The following ENAH variants were observed in gnomAD, a reference collection of about 807,000 sequenced individuals.
ENAH encodes the protein protein enabled homolog.
In ENAH, 23 loss-of-function variants were observed where a neutral mutation model predicts 78.7. That is an observed-to-expected ratio of 0.29 (90% CI 0.21 to 0.41). The LOEUF is 0.41. Among genes scored for constraint, ENAH ranks in the 10% least tolerant of loss-of-function variants. The pLI is 1.00. For synonymous variants in ENAH, 226 were observed against 241.0 expected (o/e 0.94, Z 0.58); for missense variants, 544 against 691.0 (o/e 0.79, Z 2.39).
intron 6 of ENAH, 30 bp from the exon 7 acceptor site, chr1:225,514,930 TC>T: frequency 6.4e-7 from 1 of 1,559,628 alleles, no homozygotes; most frequent in South Asian, 1.1e-5. Context: ...AGTAAGACCA[TC>T]AACAATAGAG....
At chr1:225,618,473 T>C (rs1558917935) in intron 1 of ENAH, among the ~76,000 whole-genome samples, 1 of 152,124 alleles carries the variant, frequency 6.6e-6, no homozygotes, top group African/African-American at 2.4e-5. Context: ...CTCTCCAAGA[T>C]AGTACAGCAC....
At chr1:225,633,743 C>A (rs1360515145) in intron 1 of ENAH, among the ~76,000 whole-genome samples, 1 of 152,116 alleles carries the variant, frequency 6.6e-6, no homozygotes, top group Non-Finnish European at 1.5e-5. Context: ...CAAATAATAT[C>A]TATTAATATT....
intron 10 of ENAH, 26 bp from the exon 11 acceptor site, chr1:225,508,043 T>C (rs2096347895): frequency 7.0e-7 from 1 of 1,425,402 alleles, no homozygotes; most frequent in East Asian, 2.4e-5. Flanking sequence ...ACAAAAGCTA[T>C]TAAATAAATA....
At chr1:225,529,511 C>T (rs2096527302) in intron 4 of ENAH, among the ~76,000 whole-genome samples, 3 of 152,050 alleles carry the variant, frequency 2.0e-5, no homozygotes, top group African/African-American at 7.2e-5. Context: ...ACATATAATC[C>T]TCCTTACTCT....
Position 225,492,448 on chromosome 1 carries a change from A to G in ENAH, c.*5327T>C, listed in dbSNP as rs551292136. ...CAAATGGTATATTCTTTTTACTCTC[A>G]GCCACCAACTGGGGCCCCTAATTTT... On this transcript the variant is annotated 3_prime_UTR_variant, in exon 14 of 14. Transcript: ENST00000366843. 8 of 152,370 alleles carry G rather than the reference A, an allele frequency of 5.3e-5. No homozygotes were observed. The highest frequency in any genetic ancestry group is 1.9e-4 in the African/African-American group (8 of 41,582). The allele number at this position is 152,370 out of a possible 1,614,324, so 9.4% of individuals were successfully genotyped here. A position where few individuals can be genotyped will look rare whatever the true frequency, so the allele number is the denominator to read the frequency against.
chr1:225,588,054 A>G (rs950219236), intron 1 of ENAH, among the ~76,000 whole-genome samples: 2 of 152,252 alleles, frequency 1.3e-5, no homozygotes, highest in African/African-American at 4.8e-5. Flanking sequence ...AAATCATCAC[A>G]GGAAGGCAAA....
intron 1 of ENAH, among the ~76,000 whole-genome samples, chr1:225,645,872 T>C (rs1661862409): frequency 6.6e-6 from 1 of 152,200 alleles, no homozygotes; most frequent in Admixed American, 6.5e-5. Context: ...TCAAAGCCTG[T>C]CCTCTTTACC....
chr1:225,609,799 G>A (rs2096978186), intron 1 of ENAH, among the ~76,000 whole-genome samples: 1 of 151,276 alleles, frequency 6.6e-6, no homozygotes, highest in African/African-American at 2.4e-5. Context: ...GAGTATCTGG[G>A]AGCACAGGCA....
chr1:225,544,776 T>A (rs376262867), intron 3 of ENAH, among the ~76,000 whole-genome samples: 2 of 152,304 alleles, frequency 1.3e-5, no homozygotes, highest in African/African-American at 4.8e-5. Flanking sequence ...TATTGTAATT[T>A]AGTATGAACA....
chr1:225,549,140 G>A (rs111701809), intron 3 of ENAH, among the ~76,000 whole-genome samples: 2,474 of 152,154 alleles, frequency 0.016, 24 homozygotes, highest in Non-Finnish European at 0.025. Context: ...GTATGCCACC[G>A]CACCTGGCCA....
intron 4 of ENAH, chr1:225,524,608 C>T (rs535520187): frequency 6.1e-6 from 6 of 985,260 alleles, no homozygotes; most frequent in African/African-American, 1.7e-5. Context: ...CAAGAGAAGG[C>T]GGTCAACTTT....
chr1:225,596,945 G>C (rs1310241751), intron 1 of ENAH, among the ~76,000 whole-genome samples: 1 of 152,108 alleles, frequency 6.6e-6, no homozygotes, highest in Non-Finnish European at 1.5e-5. Flanking sequence ...CAACTAAATT[G>C]AACAAGTGGT....
At chr1:225,503,058 T>TA (rs1178569959) in intron 11 of ENAH, among the ~76,000 whole-genome samples, 1 of 152,180 alleles carries the variant, frequency 6.6e-6, no homozygotes, top group Non-Finnish European at 1.5e-5. Context: ...TGTTATGTAA[T>TA]AAACAATTGT....
rs1332148679 is a variant in ENAH, at chr1:225,490,396, A to C, written c.*7379T>G. 3 of 152,154 alleles carry C rather than the reference A, an allele frequency of 2.0e-5. No individual in the cohort carries two copies. Among genetic ancestry groups the C allele is most frequent in the Non-Finnish European group, 4.4e-5 (3 of 68,032 alleles). The allele number at this position is 152,154 out of a possible 1,614,324, so 9.4% of individuals were successfully genotyped here. A position where few individuals can be genotyped will look rare whatever the true frequency, so the allele number is the denominator to read the frequency against. The stretch of plus-strand genomic sequence containing the variant: ...AAGACCAGCCTGGGCAACATGGTGA[A>C]ACCCCATCTCTACTAAAAATACAAA... On this transcript the variant is annotated 3_prime_UTR_variant, in exon 14 of 14. Coordinates refer to ENST00000366843, the MANE Select transcript of ENAH (RefSeq NM_018212.6).
intron 6 of ENAH, among the ~76,000 whole-genome samples, chr1:225,516,250 C>A (rs1463172035): frequency 6.6e-6 from 1 of 152,148 alleles, no homozygotes; most frequent in Admixed American, 6.5e-5. Context: ...CAAGCCACTA[C>A]TTATTGTAAT....
intron 1 of ENAH, among the ~76,000 whole-genome samples, chr1:225,588,098 A>T (rs778262189): frequency 1.3e-5 from 2 of 152,192 alleles, no homozygotes; most frequent in Non-Finnish European, 2.9e-5. Flanking sequence ...AAAAAAGGCA[A>T]ATTAAAATTT....
In ENAH at chr1:225,574,900, C is replaced by CAAAAAAAA. The variant is rs1160881680; in HGVS notation, c.6-7494_6-7487dup. Among the ~76,000 whole-genome samples the CAAAAAAAA allele has an allele frequency of 3.2e-3, 5 of 1,552 alleles. 1 individual carries two copies. Among genetic ancestry groups the CAAAAAAAA allele is most frequent in the Admixed American group, 0.011 (1 of 92 alleles). 1.0% of individuals were successfully genotyped at this position (1,552 alleles called of 152,430 possible). ...TGGGCGACAGAGCGAGACTCCGTCT[C>CAAAAAAAA]AAAAAAAAAAAAAAAAAAAATATAT... is the stretch of plus-strand genomic sequence containing the variant. On this transcript the variant is annotated intron_variant, in intron 1 of 13. Coordinates refer to ENST00000366843, the MANE Select transcript of ENAH (RefSeq NM_018212.6).
chr1:225,556,375 T>C (rs1357726967), intron 2 of ENAH, among the ~76,000 whole-genome samples: 1 of 152,210 alleles, frequency 6.6e-6, no homozygotes, highest in Non-Finnish European at 1.5e-5. Flanking sequence ...ACATTACAAC[T>C]GGTACTGTCA....
intron 10 of ENAH, among the ~76,000 whole-genome samples, chr1:225,510,345 T>A (rs1334400779): frequency 6.6e-6 from 1 of 152,114 alleles, no homozygotes; most frequent in Non-Finnish European, 1.5e-5. Context: ...TGAATAAAAA[T>A]ACAATTTTCC....
Sources: allele counts gnomAD v4.1 joint callset (sites outside exome capture counted in the v4.1 genomes callset), GRCh38; gene constraint gnomAD v4.1.1; transcripts MANE v1.5; gene names NCBI Gene and HGNC (gene_info 2026-07-23, HGNC 2026-07-21).